The following SBF2 variants were observed in gnomAD, a reference collection of about 807,000 sequenced individuals.
The protein encoded by SBF2 is SET binding factor 2, also known as myotubularin-related protein 13.
In SBF2, 112 loss-of-function variants were observed where a neutral mutation model predicts 225.2. The ratio of observed to expected loss-of-function variants is 0.50; its 90% CI spans 0.43 to 0.58. The LOEUF (loss-of-function observed/expected upper bound fraction) is 0.58, where lower values mean the gene tolerates loss of function less well. SBF2 is among the 20% of genes least tolerant of loss of function. SBF2 has a pLI of 0.00. For synonymous variants in SBF2, 763 were observed against 773.3 expected, an observed-to-expected ratio of 0.99 and a Z score of 0.22; for missense variants, 1,996 against 2,206.2, an observed-to-expected ratio of 0.90 and a Z score of 1.91.
chr11:9,797,632 T>A (rs1564862376), intron 32 of SBF2, among the ~76,000 whole-genome samples: 1 of 152,226 alleles, frequency 6.6e-6, no homozygotes, highest in Non-Finnish European at 1.5e-5. Context: ...AATGAAGGGA[T>A]AAGAAATCAT....
intron 16 of SBF2, among the ~76,000 whole-genome samples, chr11:9,949,599 C>G (rs1865744056): frequency 6.6e-6 from 1 of 151,996 alleles, no homozygotes; most frequent in Admixed American, 6.6e-5. Context: ...TGAAAGAATC[C>G]TAGGTTAAAC....
intron 2 of SBF2, among the ~76,000 whole-genome samples, chr11:10,171,713 G>A (rs990345274): frequency 6.6e-6 from 1 of 152,152 alleles, no homozygotes; most frequent in Non-Finnish European, 1.5e-5. Context: ...AGTCGAAATT[G>A]CATTAGTTCT....
chr11:9,997,952 G>T (rs1422172939), intron 9 of SBF2, among the ~76,000 whole-genome samples: 16 of 152,192 alleles, frequency 1.1e-4, no homozygotes, highest in Non-Finnish European at 1.9e-4. Flanking sequence ...GATCTTAGGG[G>T]AATCAGGGAT....
intron 1 of SBF2, among the ~76,000 whole-genome samples, chr11:10,304,431 C>A (rs527892138): frequency 1.1e-4 from 17 of 152,240 alleles, no homozygotes; most frequent in Non-Finnish European, 2.1e-4. Flanking sequence ...ATAATTCCCC[C>A]CTCCAAATCC....
chr11:9,953,652 G>A (rs1865988055), intron 16 of SBF2, among the ~76,000 whole-genome samples: 1 of 152,118 alleles, frequency 6.6e-6, no homozygotes, highest in Non-Finnish European at 1.5e-5. Flanking sequence ...GACTTATAGA[G>A]GCCAAGGGTG....
At chr11:10,232,177 A>C (rs1347111243) in intron 1 of SBF2, among the ~76,000 whole-genome samples, 3 of 152,150 alleles carry the variant, frequency 2.0e-5, no homozygotes, top group Non-Finnish European at 4.4e-5. Flanking sequence ...TTAGGGTGGG[A>C]GTGACCCGAT....
At chr11:9,830,753 A>AC (rs941319600) in intron 27 of SBF2, among the ~76,000 whole-genome samples, 12 of 151,450 alleles carry the variant, frequency 7.9e-5, no homozygotes, top group East Asian at 3.9e-4. Flanking sequence ...AACAAAAAAA[A>AC]AAAAACAAAA....
chr11:10,185,333 A>G (rs1464322687), intron 2 of SBF2, among the ~76,000 whole-genome samples: 1 of 152,190 alleles, frequency 6.6e-6, no homozygotes, highest in Non-Finnish European at 1.5e-5. Flanking sequence ...TTTTTTTTGA[A>G]GACTCTCCAT....
intron 1 of SBF2, among the ~76,000 whole-genome samples, chr11:10,291,731 GT>G (rs779591855): frequency 4.6e-5 from 7 of 151,820 alleles, no homozygotes; most frequent in Non-Finnish European, 8.8e-5. Flanking sequence ...ATGATTAAGA[GT>G]TTAGTGAGGA....
At chr11:10,220,712 C>T (rs1958309652) in intron 1 of SBF2, among the ~76,000 whole-genome samples, 2 of 152,148 alleles carry the variant, frequency 1.3e-5, no homozygotes, top group African/African-American at 4.8e-5. Context: ...AGATTCAAGG[C>T]CTTGAATCAT....
intron 2 of SBF2, among the ~76,000 whole-genome samples, chr11:10,186,267 G>A (rs1956931216): frequency 6.6e-6 from 1 of 152,206 alleles, no homozygotes; most frequent in South Asian, 2.1e-4. Flanking sequence ...GGCAAGCACA[G>A]CGGCTCATGC....
intron 17 of SBF2, among the ~76,000 whole-genome samples, chr11:9,867,179 C>T (rs1036744982): frequency 1.3e-5 from 2 of 151,918 alleles, no homozygotes; most frequent in African/African-American, 2.4e-5. Flanking sequence ...GGATGGATAC[C>T]CCATTTTCCA....
chr11:9,966,246 G>A (rs972818689), intron 14 of SBF2, among the ~76,000 whole-genome samples: 2 of 151,958 alleles, frequency 1.3e-5, no homozygotes, highest in African/African-American at 4.8e-5. Flanking sequence ...ATACCACCAC[G>A]CCTGGCTAAT....
At chr11:10,046,481 TA>T (rs1271046412) in intron 2 of SBF2, among the ~76,000 whole-genome samples, 1 of 152,128 alleles carries the variant, frequency 6.6e-6, no homozygotes, top group African/African-American at 2.4e-5. Flanking sequence ...ATTAAAGCAT[TA>T]TATCGTATCA....
At chr11:9,804,801 T>C (rs568614251) in intron 32 of SBF2, among the ~76,000 whole-genome samples, 5 of 152,358 alleles carry the variant, frequency 3.3e-5, no homozygotes, top group African/African-American at 1.2e-4. Flanking sequence ...CTGAGTGGTA[T>C]TCCACTGAAT....
Position 10,171,437 on chromosome 11 carries a change from G to A in SBF2, c.141+22465C>T, listed in dbSNP as rs145421605. ...ACATTCTGTTGATAAAATGTATCAC[G>A]TTGATTGGTGTGTGTGTCTTGAACC... On this transcript the variant is annotated intron_variant, in intron 2 of 39. Coordinates refer to ENST00000256190, the MANE Select transcript of SBF2 (RefSeq NM_030962.4). Among the ~76,000 whole-genome samples the A allele has an allele frequency of 8.9e-3, 1,352 of 152,244 alleles. 84 individuals are homozygous for A. Among genetic ancestry groups the A allele is most frequent in the Admixed American group, 0.08 (1,216 of 15,294 alleles).
At chr11:10,011,564 G>C (rs764477068) in intron 6 of SBF2, among the ~76,000 whole-genome samples, 1 of 152,106 alleles carries the variant, frequency 6.6e-6, no homozygotes, top group Non-Finnish European at 1.5e-5. Flanking sequence ...CGATAAATCT[G>C]TTTTTGTTTA....
chr11:9,984,215 T>C (rs904294333), intron 13 of SBF2, among the ~76,000 whole-genome samples: 2 of 152,072 alleles, frequency 1.3e-5, no homozygotes, highest in African/African-American at 2.4e-5. Flanking sequence ...TTCATAGAAA[T>C]AGATAGCTTA....
intron 15 of SBF2, among the ~76,000 whole-genome samples, chr11:9,963,332 G>C (rs950543053): frequency 6.6e-6 from 1 of 152,080 alleles, no homozygotes; most frequent in Non-Finnish European, 1.5e-5. Flanking sequence ...GGGCGCAGTG[G>C]TGCGTGCCTG....
Sources: gnomAD v4.1 joint callset for allele counts (sites outside exome capture counted in the v4.1 genomes callset) on GRCh38, gnomAD v4.1.1 for gene constraint, MANE v1.5 for transcripts, NCBI Gene and HGNC (gene_info 2026-07-23, HGNC 2026-07-21) for gene names.